The following TMED3 variants were observed in gnomAD, a reference collection of about 807,000 sequenced individuals.
TMED3 encodes the protein transmembrane p24 trafficking protein 3, also known as transmembrane emp24 domain-containing protein 3.
In TMED3, 9 loss-of-function variants were observed where a neutral mutation model predicts 15.0. That is an observed-to-expected ratio of 0.60 (90% CI 0.36 to 1.04). The LOEUF is 1.04. TMED3 is among the 50% of genes least tolerant of loss of function. The pLI, the probability that TMED3 is intolerant of heterozygous loss-of-function variation, is 0.01. For missense variants in TMED3, 267 were observed against 278.9 expected (o/e 0.96, Z 0.30); for synonymous variants, 117 against 121.4 (o/e 0.96, Z 0.24).
intron 2 of TMED3, among the ~76,000 whole-genome samples, chr15:79,350,868 T>C (rs1438758653): frequency 1.3e-5 from 2 of 152,198 alleles, no homozygotes; most frequent in African/African-American, 4.8e-5. Context: ...GGTTTTGCTG[T>C]ACATCAGCTC....
rs541636963 is a variant in TMED3, at chr15:79,346,356, G to A, written c.417+32351G>A. 1.3e-3 allele frequency among the ~76,000 whole-genome samples: 193 copies of A among 152,304 alleles called. 1 individual carries two copies. Among genetic ancestry groups the A allele is most frequent in the African/African-American group, 4.3e-3 (179 of 41,562 alleles). Reference sequence around the variant, plus strand: ...TTCCCATGTGTCGTGGGAGGGACCAGGTGGACATAATTGAATCATGGGGGC... The same window carrying A: ...TTCCCATGTGTCGTGGGAGGGACCAAGTGGACATAATTGAATCATGGGGGC... On this transcript the variant is annotated intron_variant, in intron 2 of 2. Transcript: ENST00000424155.
chr15:79,333,556 C>T (rs2058817099), intron 2 of TMED3, among the ~76,000 whole-genome samples: 1 of 152,146 alleles, frequency 6.6e-6, no homozygotes, highest in Non-Finnish European at 1.5e-5. Flanking sequence ...CAATATTTGA[C>T]CATAGGAAGA....
chr15:79,403,220 CAAAAAAAAAAAA>C (rs71150908), intron 2 of TMED3, among the ~76,000 whole-genome samples: 30 of 65,422 alleles, frequency 4.6e-4, no homozygotes, highest in African/African-American at 2.1e-3. Flanking sequence ...GACTCTGTCT[CAAAAAAAAAAAA>C]AAAAAAAAAA....
At chr15:79,355,827 A>G (rs1402921055) in intron 2 of TMED3, among the ~76,000 whole-genome samples, 1 of 152,062 alleles carries the variant, frequency 6.6e-6, no homozygotes, top group Non-Finnish European at 1.5e-5. Context: ...TGCCTTTTCC[A>G]TTTGTGGTTT....
At chr15:79,380,438 T>TTA (rs1188720491) in intron 2 of TMED3, among the ~76,000 whole-genome samples, 7 of 147,354 alleles carry the variant, frequency 4.8e-5, no homozygotes, top group Admixed American at 1.4e-4. Flanking sequence ...ATATATATAG[T>TTA]TATATATAGT....
chr15:79,373,189 A>C (rs928964357), intron 2 of TMED3, among the ~76,000 whole-genome samples: 2 of 152,246 alleles, frequency 1.3e-5, no homozygotes, highest in African/African-American at 4.8e-5. Flanking sequence ...AATCATGCAG[A>C]TAAGACCAGT....
At chr15:79,387,594 G>GCACACA (rs60358297) in intron 2 of TMED3, among the ~76,000 whole-genome samples, 9 of 149,306 alleles carry the variant, frequency 6.0e-5, no homozygotes, top group African/African-American at 2.3e-4. Context: ...ACATGCACCT[G>GCACACA]CACACACACA....
intron 2 of TMED3, among the ~76,000 whole-genome samples, chr15:79,367,388 G>T (rs1176464477): frequency 6.6e-6 from 1 of 152,160 alleles, no homozygotes; most frequent in Non-Finnish European, 1.5e-5. Context: ...TTATTTGTAG[G>T]GCACAAAGCA....
chr15:79,391,538 G>T (rs1893694788), intron 2 of TMED3, among the ~76,000 whole-genome samples: 2 of 152,070 alleles, frequency 1.3e-5, no homozygotes, highest in African/African-American at 4.8e-5. Flanking sequence ...AATAGAATGT[G>T]TATTCTGTGA....
chr15:79,332,779 A>G (rs1384811980), intron 2 of TMED3, among the ~76,000 whole-genome samples: 3 of 152,258 alleles, frequency 2.0e-5, no homozygotes, highest in Non-Finnish European at 4.4e-5. Context: ...TGACATTCTG[A>G]ACAAAAGTCA....
intron 2 of TMED3, among the ~76,000 whole-genome samples, chr15:79,340,364 C>T (rs2058847189): frequency 6.6e-6 from 1 of 152,200 alleles, no homozygotes; most frequent in African/African-American, 2.4e-5. Context: ...CACAGAGTGT[C>T]ATGGACTTTG....
chr15:79,379,295 C>T (rs1893479764), intron 2 of TMED3, among the ~76,000 whole-genome samples: 1 of 152,128 alleles, frequency 6.6e-6, no homozygotes, highest in Non-Finnish European at 1.5e-5. Flanking sequence ...CTTAGAACTG[C>T]AGATTTAGCT....
At chr15:79,328,870 C>T (rs1412032670) in intron 2 of TMED3, among the ~76,000 whole-genome samples, 1 of 152,192 alleles carries the variant, frequency 6.6e-6, no homozygotes, top group Admixed American at 6.5e-5. Context: ...CATTTCCATT[C>T]TGTGCCTGCC....
At chr15:79,368,022 G>A (rs1893269711) in intron 2 of TMED3, among the ~76,000 whole-genome samples, 1 of 152,176 alleles carries the variant, frequency 6.6e-6, no homozygotes, top group South Asian at 2.1e-4. Context: ...ATTGCCTGGG[G>A]TCTCAGTGCC....
chr15:79,319,292 G>C (rs2058754174), intron 2 of TMED3, among the ~76,000 whole-genome samples: 1 of 152,340 alleles, frequency 6.6e-6, no homozygotes, highest in African/African-American at 2.4e-5. Flanking sequence ...AGGTAGACCT[G>C]TTGCCAGAAA....
chr15:79,407,585 G>A (rs1893917837), intron 2 of TMED3, among the ~76,000 whole-genome samples: 1 of 152,144 alleles, frequency 6.6e-6, no homozygotes, highest in Non-Finnish European at 1.5e-5. Flanking sequence ...TCAAGGGTTG[G>A]CCAACTATAC....
chr15:79,320,439 T>A (rs536748811), intron 2 of TMED3, among the ~76,000 whole-genome samples: 13 of 152,352 alleles, frequency 8.5e-5, no homozygotes, highest in African/African-American at 1.4e-4. Context: ...TTTATTATAC[T>A]GGAACAGCTC....
chr15:79,376,001 G>A (rs11636916), intron 2 of TMED3, among the ~76,000 whole-genome samples: 40,305 of 151,088 alleles, frequency 0.27, 6,906 homozygotes, highest in Middle Eastern at 0.48. Flanking sequence ...TTAACCTAGC[G>A]ATTTACTCTT....
chr15:79,388,865 T>C lies in TMED3; in HGVS notation c.418-22535T>C, dbSNP rs1049806696. ...TTAGTGATGTTAAGTATTTTTTCTA[T>C]GTTTGCAAGCCATTTGTATATCTTC... On this transcript the variant is annotated intron_variant, in intron 2 of 2. Transcript: ENST00000424155. Among the ~76,000 whole-genome samples, 32 of 152,208 alleles carry C rather than the reference T, an allele frequency of 2.1e-4. 1 individual carries two copies. Among genetic ancestry groups the C allele is most frequent in the African/African-American group, 6.8e-4 (28 of 41,460 alleles).
Sources: gnomAD v4.1 joint callset for allele counts (sites outside exome capture counted in the v4.1 genomes callset) on GRCh38, gnomAD v4.1.1 for gene constraint, MANE v1.5 for transcripts, NCBI Gene and HGNC (gene_info 2026-07-23, HGNC 2026-07-21) for gene names.